Variants in UBR3 observed in about 807,000 individuals in gnomAD.
UBR3 encodes the protein ubiquitin protein ligase E3 component n-recognin 3.
In UBR3, 85 loss-of-function variants were observed where a neutral mutation model predicts 243.2. That is an observed-to-expected ratio of 0.35 (90% CI 0.29 to 0.42). The LOEUF is 0.42. Among genes scored for constraint, UBR3 ranks in the 10% least tolerant of loss-of-function variants. UBR3 has a pLI of 1.00. For missense variants in UBR3, 1,686 were observed against 2,300.8 expected, an observed-to-expected ratio of 0.73 and a Z score of 5.47; for synonymous variants, 748 against 799.8, an observed-to-expected ratio of 0.94 and a Z score of 1.09.
chr2:169,868,953 A>G (rs1254920823), intron 1 of UBR3, among the ~76,000 whole-genome samples: 1 of 152,188 alleles, frequency 6.6e-6, no homozygotes, highest in Non-Finnish European at 1.5e-5. Flanking sequence ...TGTCACTGAC[A>G]GGTTACAGAA....
intron 24 of UBR3, among the ~76,000 whole-genome samples, chr2:169,984,979 T>C (rs1187407502): frequency 2.6e-5 from 4 of 151,784 alleles, no homozygotes; most frequent in African/African-American, 9.7e-5. Flanking sequence ...CATCAGGGTT[T>C]CCTTGAGGTT....
chr2:170,045,968 T>TTTA (rs1212603583), intron 32 of UBR3, among the ~76,000 whole-genome samples: 1 of 276 alleles, frequency 3.6e-3, no homozygotes, highest in Non-Finnish European at 7.6e-3. Flanking sequence ...TTGTAAATTT[T>TTTA]TTTTTTTTTT....
chr2:170,066,993 T>TAATAATAATAAA (rs71006067), intron 35 of UBR3, among the ~76,000 whole-genome samples: 451 of 144,186 alleles, frequency 3.1e-3, no homozygotes, highest in Non-Finnish European at 4.7e-3. Flanking sequence ...ATAATAATAA[T>TAATAATAATAAA]AAACTTCATT....
intron 1 of UBR3, among the ~76,000 whole-genome samples, chr2:169,857,687 A>G (rs572551113): frequency 6.6e-6 from 1 of 151,886 alleles, no homozygotes; most frequent in African/African-American, 2.4e-5. Flanking sequence ...TTGGCCTCCC[A>G]AAGCGCTGGG....
At position 170,067,831 on chromosome 2, in the gene UBR3, G is replaced by C. The variant is rs987168553; in HGVS notation, c.5020-5597G>C. 2.7e-5 allele frequency among the ~76,000 whole-genome samples: 4 copies of C among 148,970 alleles called. No individual in the cohort carries two copies. The South Asian group carries it at 8.5e-4, about 32-fold the overall frequency. On this transcript the variant is annotated intron_variant, in intron 35 of 38. Coordinates refer to ENST00000272793, the MANE Select transcript of UBR3 (RefSeq NM_172070.4). The stretch of plus-strand genomic sequence containing the variant: ...GTTGCCCAGGCTCGAGGGCAGTGGT[G>C]TGATCTCAGCTGACTGCAACCTCTG...
At chr2:170,066,460 T>G (rs1194975081) in intron 35 of UBR3, among the ~76,000 whole-genome samples, 1 of 152,220 alleles carries the variant, frequency 6.6e-6, no homozygotes, top group African/African-American at 2.4e-5. Flanking sequence ...TATGTGCATT[T>G]TTATTGGAAG....
intron 11 of UBR3, among the ~76,000 whole-genome samples, chr2:169,920,207 A>G (rs1045099315): frequency 5.9e-5 from 9 of 152,154 alleles, no homozygotes; most frequent in African/African-American, 2.2e-4. Context: ...TCAGCAAACT[A>G]TTGCAAGGAC....
chr2:170,068,578 G>A (rs2091629739), intron 35 of UBR3, among the ~76,000 whole-genome samples: 1 of 152,154 alleles, frequency 6.6e-6, no homozygotes, highest in Non-Finnish European at 1.5e-5. Flanking sequence ...TAGACCTGAA[G>A]CAAGTAAAAG....
intron 35 of UBR3, among the ~76,000 whole-genome samples, chr2:170,066,627 C>T (rs753540053): frequency 1.1e-4 from 17 of 152,116 alleles, no homozygotes; most frequent in Non-Finnish European, 1.8e-4. Flanking sequence ...TACACATTGA[C>T]TACATGCTAA....
chr2:170,077,941 A>C, intron 36 of UBR3: 1 of 548,558 alleles, frequency 1.8e-6, no homozygotes, highest in Non-Finnish European at 3.4e-6. Context: ...ACATTTAGAC[A>C]GAGGGACTTT....
intron 27 of UBR3, 29 bp from the exon 28 acceptor site, chr2:170,006,961 C>T (rs16857407): frequency 0.078 from 125,340 of 1,598,394 alleles, 5,703 homozygotes; most frequent in African/African-American, 0.2. Flanking sequence ...GTGTATATCA[C>T]GCATCTGTAT....
rs540024459 is a variant in UBR3 at position 169,847,902 on chromosome 2, A to G, written c.545+19850A>G. 3.8e-5 allele frequency among the ~76,000 whole-genome samples: 5 copies of G among 130,072 alleles called. No individual in the cohort carries two copies. The East Asian group carries it at 9.3e-4, about 24-fold the overall frequency. 85.3% of individuals were successfully genotyped at this position (130,072 alleles called of 152,430 possible). A position where few individuals can be genotyped will look rare whatever the true frequency, so the allele number is the denominator to read the frequency against. On this transcript the variant is annotated intron_variant, in intron 1 of 38. Coordinates refer to ENST00000272793, the MANE Select transcript of UBR3 (RefSeq NM_172070.4). ...TAATTAGTACTCTGGCAAATAGTCA[A>G]ATACTCAGGAGCACTCTGTGTAGAT...
Position 170,015,346 on chromosome 2 carries a change from CT to C in UBR3, c.4434del (p.Gly1479AlafsTer6). The C allele has an allele frequency of 6.2e-7, 1 of 1,611,596 alleles. No homozygotes were observed. Among genetic ancestry groups the C allele is most frequent in the Non-Finnish European group, 8.5e-7 (1 of 1,178,710 alleles). ...TTGTGTTCAGGTGGTGCAAGCACAGCTGGCAAAAGGTCTTGTTTAAGTAAGT... is the reference window on the plus strand; with the variant it reads ...TTGTGTTCAGGTGGTGCAAGCACAGCGGCAAAAGGTCTTGTTTAAGTAAGT... The part of the protein sequence containing the change: ...GNLCSGGAST[A>X]GKRSCLNQLF... On this transcript the variant is annotated frameshift_variant, in exon 30 of 39. Coordinates refer to ENST00000272793, the MANE Select transcript of UBR3 (RefSeq NM_172070.4). LOFTEE classifies it high-confidence loss of function.
rs2091420315 is a variant in UBR3, at chr2:170,059,746, A to G, written c.4786-1333A>G. Among the ~76,000 whole-genome samples, 12 of 152,250 alleles carry G rather than the reference A, an allele frequency of 7.9e-5. 2 individuals are homozygous for G. The South Asian group carries it at 2.5e-3, about 32-fold the overall frequency. The stretch of plus-strand genomic sequence containing the variant: ...GTTTAGAATCAGGACATAATACTAC[A>G]TGGCTGAGTGAATATGGCGGAAAGC... On this transcript the variant is annotated intron_variant, in intron 33 of 38. Transcript: ENST00000272793.
intron 32 of UBR3, among the ~76,000 whole-genome samples, chr2:170,045,064 A>C (rs1279403484): frequency 3.9e-5 from 6 of 152,194 alleles, no homozygotes; most frequent in Admixed American, 6.5e-5. Flanking sequence ...ATAAAGACAC[A>C]TCTGAGACTG....
intron 35 of UBR3, among the ~76,000 whole-genome samples, chr2:170,064,364 A>G (rs977610015): frequency 1.3e-5 from 2 of 152,050 alleles, no homozygotes; most frequent in Admixed American, 1.3e-4. Flanking sequence ...ATTCTTTTCC[A>G]TCATATACCC....
At chr2:170,016,888 T>A in intron 30 of UBR3, 1 of 844,124 alleles carries the variant, frequency 1.2e-6, no homozygotes, top group Non-Finnish European at 1.5e-6. Context: ...TGTGCCAATA[T>A]AGAAAAAGTC....
At chr2:170,036,092 C>T (rs180791021) in intron 31 of UBR3, among the ~76,000 whole-genome samples, 153 of 152,004 alleles carry the variant, frequency 1.0e-3, no homozygotes, top group African/African-American at 3.5e-3. Context: ...TCTACATAGA[C>T]GACCATGTAA....
intron 31 of UBR3, among the ~76,000 whole-genome samples, chr2:170,034,866 C>T (rs1278654847): frequency 6.6e-6 from 1 of 151,922 alleles, no homozygotes; most frequent in Non-Finnish European, 1.5e-5. Flanking sequence ...TTTGGCCATT[C>T]TAATAGGAAT....
Sources: allele counts gnomAD v4.1 joint callset (sites outside exome capture counted in the v4.1 genomes callset), GRCh38; gene constraint gnomAD v4.1.1; transcripts MANE v1.5; gene names NCBI Gene and HGNC (gene_info 2026-07-23, HGNC 2026-07-21).